The following TNS3 variants were observed in gnomAD, a reference collection of about 807,000 sequenced individuals.
The protein encoded by TNS3 is tensin-3.
In TNS3, 45 loss-of-function variants were observed where a neutral mutation model predicts 140.9. The observed-to-expected ratio is 0.32, with a 90% CI of 0.25 to 0.41. The LOEUF (loss-of-function observed/expected upper bound fraction) is 0.41, where lower values mean the gene tolerates loss of function less well. Among genes scored for constraint, TNS3 ranks in the 10% least tolerant of loss-of-function variants. TNS3 has a pLI of 1.00. For missense variants in TNS3, 1,716 were observed against 1,906.7 expected (o/e 0.90, Z 1.86); for synonymous variants, 815 against 788.4 (o/e 1.03, Z -0.56).
At chr7:47,526,087 C>G (rs968117326) in intron 2 of TNS3, among the ~76,000 whole-genome samples, 10 of 152,238 alleles carry the variant, frequency 6.6e-5, no homozygotes, top group Non-Finnish European at 1.5e-5. Flanking sequence ...GGAGGCCGTG[C>G]TTTCTCCAAG....
intron 12 of TNS3, among the ~76,000 whole-genome samples, chr7:47,412,748 G>A (rs1389628561): frequency 6.6e-6 from 1 of 152,092 alleles, no homozygotes; most frequent in Non-Finnish European, 1.5e-5. Context: ...TCAACTGACT[G>A]GGGACAGAAA....
In TNS3 at chr7:47,404,462, G is replaced by A. The variant is rs142009936; in HGVS notation, c.724-3548C>T. 5.1e-3 allele frequency among the ~76,000 whole-genome samples: 773 copies of A among 152,268 alleles called. 7 individuals carry two copies. Among genetic ancestry groups the A allele is most frequent in the African/African-American group, 0.018 (733 of 41,568 alleles). ...TAAGCTTCTAGAGAGAGGGCACTTG[G>A]TACTCAAAAACATATAGGGTGAATG... On this transcript the variant is annotated intron_variant, in intron 13 of 30. Coordinates refer to ENST00000311160, the MANE Select transcript of TNS3 (RefSeq NM_022748.12).
intron 1 of TNS3, among the ~76,000 whole-genome samples, chr7:47,535,546 G>C (rs1214745366): frequency 6.6e-6 from 1 of 152,244 alleles, no homozygotes; most frequent in Non-Finnish European, 1.5e-5. Context: ...CAAAGGGGGA[G>C]AGGAGGCAGC....
At chr7:47,306,172 T>C (rs1786741117) in intron 20 of TNS3, among the ~76,000 whole-genome samples, 1 of 152,216 alleles carries the variant, frequency 6.6e-6, no homozygotes, top group Non-Finnish European at 1.5e-5. Context: ...ACAGCATATG[T>C]GATTTCTGAA....
In TNS3 at chr7:47,396,885, G is replaced by A. The variant is rs376801827; in HGVS notation, c.939C>T (p.Asn313=). The change falls in exon 16 of 31, where the codon AAC becomes AAT. Residue 313 remains asparagine (N), a synonymous_variant. Coordinates refer to ENST00000311160, the MANE Select transcript of TNS3 (RefSeq NM_022748.12). ...EKIQGSEHLY[N]DHGVIVDYNT... ...TGTAGTCCACAATCACACCGTGGTC[G>A]TTGTACAAGTGTTCGGACCCTGCAC... 49 of 1,614,022 alleles carry A rather than the reference G, an allele frequency of 3.0e-5. No homozygotes were observed. In the East Asian group the frequency reaches 3.6e-4, roughly 12 times the overall value.
intron 8 of TNS3, among the ~76,000 whole-genome samples, chr7:47,434,800 T>C (rs566712364): frequency 2.0e-5 from 3 of 152,182 alleles, no homozygotes; most frequent in Non-Finnish European, 4.4e-5. Flanking sequence ...GTACAGGCCA[T>C]GTCTGCACTG....
chr7:47,344,476 T>G (rs918001826), intron 20 of TNS3, among the ~76,000 whole-genome samples: 18 of 152,298 alleles, frequency 1.2e-4, no homozygotes, highest in African/African-American at 4.3e-4. Context: ...AATGCTAAGC[T>G]GCCCGACAGT....
At chr7:47,312,595 C>CG (rs1339643570) in intron 20 of TNS3, among the ~76,000 whole-genome samples, 2 of 151,782 alleles carry the variant, frequency 1.3e-5, no homozygotes, top group African/African-American at 4.8e-5. Context: ...CCCAGCTACT[C>CG]GGGAGGCTAA....
chr7:47,370,952 G>T (rs1056274189), intron 16 of TNS3, among the ~76,000 whole-genome samples: 6 of 152,228 alleles, frequency 3.9e-5, no homozygotes, highest in African/African-American at 1.4e-4. Context: ...CTGGGACAAC[G>T]TGTTGGGACA....
At chr7:47,469,076 A>G (rs1295545078) in intron 4 of TNS3, among the ~76,000 whole-genome samples, 1 of 152,248 alleles carries the variant, frequency 6.6e-6, no homozygotes, top group Non-Finnish European at 1.5e-5. Flanking sequence ...TTCACCGTAT[A>G]TAAAAACTAA....
chr7:47,303,301 C>A lies in TNS3; in HGVS notation c.3106G>T (p.Asp1036Tyr). Reference protein sequence around the residue: ...PVGSGLPPEEDLGALLANSHG... With the variant: ...PVGSGLPPEEYLGALLANSHG... ...GAATTGGCCAGCAAGGCCCCCAGGTCCTCCTCGGGCGGAAGGCCACTTCCC... is the reference window on the plus strand; with the variant it reads ...GAATTGGCCAGCAAGGCCCCCAGGTACTCCTCGGGCGGAAGGCCACTTCCC... Residue 1036 changes from aspartate to tyrosine, a missense_variant, in exon 22 of 31, where the codon GAC becomes TAC. Physicochemically the swap from Asp to Tyr is radical, Grantham distance 160. Around this residue, in one of 3 missense-constraint regions of TNS3, gnomAD observed 1,163 missense variants for 1,182.1 expected, o/e 0.98. Coordinates refer to ENST00000311160, the MANE Select transcript of TNS3 (RefSeq NM_022748.12). 1 of 1,613,540 alleles carries A rather than the reference C, an allele frequency of 6.2e-7. No homozygotes were observed. Among genetic ancestry groups the A allele is most frequent in the South Asian group, 1.1e-5 (1 of 90,998 alleles).
chr7:47,572,004 G>A (rs549007652), intron 1 of TNS3, among the ~76,000 whole-genome samples: 2 of 152,348 alleles, frequency 1.3e-5, no homozygotes, highest in South Asian at 4.1e-4. Flanking sequence ...CCATCAGGGA[G>A]AGGAATGCAA....
rs778044379 is a variant in TNS3, at chr7:47,411,760, G to C, written c.690C>G (p.Ile230Met). The change falls in exon 13 of 31, where the codon ATC becomes ATG. Residue 230 changes from isoleucine to methionine, a missense_variant. Physicochemically the swap from Ile to Met is conservative, Grantham distance 10. Transcript: ENST00000311160. The part of the protein sequence containing the change: ...PENPSRICIV[I>M]EPAQLLKGDV... ...CTCCCTTCAGAAGCTGGGCCGGCTC[G>C]ATGACGATGCAGATCCTGCTGGGGT... 6.2e-7 allele frequency: 1 copy of C among 1,613,080 alleles called. No individual in the cohort carries two copies. Among genetic ancestry groups the C allele is most frequent in the East Asian group, 2.2e-5 (1 of 44,862 alleles).
At chr7:47,307,931 A>T (rs1218919000) in intron 20 of TNS3, among the ~76,000 whole-genome samples, 1 of 152,198 alleles carries the variant, frequency 6.6e-6, no homozygotes, top group Non-Finnish European at 1.5e-5. Flanking sequence ...TCTTTTGAAG[A>T]ACAAAATCTT....
intron 5 of TNS3, among the ~76,000 whole-genome samples, chr7:47,441,491 T>G (rs967377603): frequency 3.9e-5 from 6 of 152,234 alleles, no homozygotes; most frequent in African/African-American, 1.4e-4. Flanking sequence ...ATTTATTTTT[T>G]AAGGTTGATT....
chr7:47,435,100 G>A (rs78746924), intron 8 of TNS3, among the ~76,000 whole-genome samples, 182 bp downstream of exon 8: 9,272 of 139,448 alleles, frequency 0.066, 626 homozygotes, highest in African/African-American at 0.17. Flanking sequence ...CCAAACTTGG[G>A]GAGGTGTGAT....
intron 3 of TNS3, among the ~76,000 whole-genome samples, chr7:47,499,147 C>A (rs1798121460): frequency 6.6e-6 from 1 of 152,198 alleles, no homozygotes; most frequent in Admixed American, 6.5e-5. Flanking sequence ...TGAGAGTGAG[C>A]CTAGAGCCCA....
At chr7:47,516,781 G>T (rs1412068686) in intron 2 of TNS3, among the ~76,000 whole-genome samples, 1 of 152,218 alleles carries the variant, frequency 6.6e-6, no homozygotes, top group Non-Finnish European at 1.5e-5. Context: ...AGCTCTTGTG[G>T]GTCAGGAGCA....
chr7:47,419,073 T>A (rs1249834004), intron 10 of TNS3, among the ~76,000 whole-genome samples: 1 of 152,256 alleles, frequency 6.6e-6, no homozygotes, highest in African/African-American at 2.4e-5. Context: ...CTGCTGAGCA[T>A]TCCCTTCCCT....
Sources: allele counts gnomAD v4.1 joint callset (sites outside exome capture counted in the v4.1 genomes callset), GRCh38; gene constraint gnomAD v4.1.1; regional missense constraint gnomAD v4.1.1; transcripts MANE v1.5; gene names NCBI Gene and HGNC (gene_info 2026-07-23, HGNC 2026-07-21).